MEN1: variants seen among roughly 807,000 people sequenced by gnomAD.
The protein encoded by MEN1 is menin.
A neutral mutation model predicts 58.0 loss-of-function variants in MEN1; 6 were observed. The observed-to-expected ratio is 0.10, with a 90% CI of 0.06 to 0.20. MEN1 has a LOEUF of 0.20. Ranked by LOEUF, MEN1 falls within the 10% of genes least tolerant of loss-of-function variation. The probability of loss-of-function intolerance (pLI) is 1.00; values close to 1 mark genes in which losing one functional copy is unlikely to be tolerated. For synonymous variants in MEN1, 346 were observed against 350.7 expected (o/e 0.99, Z 0.15); for missense variants, 492 against 818.5 (o/e 0.60, Z 4.87).
At position 64,804,549 on chromosome 11, in the gene MEN1, G is replaced by A. The variant is rs745404679; in HGVS notation, c.1618C>T (p.Pro540Ser). 115 of 1,613,574 alleles carry A rather than the reference G, an allele frequency of 7.1e-5. 1 individual carries two copies. The highest frequency in any genetic ancestry group is 6.8e-4 in the Admixed American group (41 of 60,028). Residue 540 changes from proline to serine, a missense_variant, in exon 10 of 10, where the codon CCC becomes TCC. Physicochemically the swap from Pro to Ser is moderately conservative, Grantham distance 74 (BLOSUM62 -1). Transcript: ENST00000450708. This position sits in a 1 kb window ranked among gnomAD's most constrained non-coding sequence, Gnocchi z 4.2. ...EGGSTAQVPAPTASPPPEGPV... is the reference protein window; with the variant it reads ...EGGSTAQVPASTASPPPEGPV... ...CCCTCCGGCGGTGGTGATGCTGTGG[G>A]TGCTGGCACCTGAGCCGTGCTGCCA...
chr11:64,805,220 G>A (rs1484723231), intron 8 of MEN1, 22 bp from the exon 9 acceptor site: 1 of 1,611,504 alleles, frequency 6.2e-7, no homozygotes, highest in South Asian at 1.1e-5. Flanking sequence ...GGAAGGGAGG[G>A]CACAGATCAG....
At chr11:64,809,564 C>A in intron 2 of MEN1, 101 bp downstream of exon 2, 2 of 1,437,268 alleles carry the variant, frequency 1.4e-6, no homozygotes, top group South Asian at 1.3e-5. Flanking sequence ...TAACACCTGC[C>A]GAACCTCACA....
chr11:64,805,939 AG>A, intron 7 of MEN1, 169 bp from the exon 8 acceptor site: 3 of 732,734 alleles, frequency 4.1e-6, no homozygotes, highest in Non-Finnish European at 4.7e-6. Context: ...AAGAATGAGG[AG>A]GGGGGCATGG....
intron 1 of MEN1, 156 bp downstream of exon 1, chr11:64,810,358 G>A: frequency 1.8e-6 from 1 of 563,514 alleles, no homozygotes; most frequent in South Asian, 2.2e-5. Context: ...GTACCCGATG[G>A]GGTGCGCCCC....
At chr11:64,809,168 G>A (rs1941944540) in intron 2 of MEN1, among the ~76,000 whole-genome samples, 1 of 148,450 alleles carries the variant, frequency 6.7e-6, no homozygotes, top group Non-Finnish European at 1.5e-5. Context: ...GGAGGCTGAG[G>A]TTGGAGGATC....
At chr11:64,810,164 G>A (rs2136198644) in intron 1 of MEN1, 32 bp from the exon 2 acceptor site, 4 of 727,296 alleles carry the variant, frequency 5.5e-6, no homozygotes, top group Non-Finnish European at 6.6e-6. Context: ...GGAGGGTCGG[G>A]CAGGTTCGGC....
Position 64,804,279 on chromosome 11 carries a change from G to A in MEN1, c.*55C>T, listed in dbSNP as rs962969824. On this transcript the variant is annotated 3_prime_UTR_variant, in exon 10 of 10. Coordinates refer to ENST00000450708, the MANE Select transcript of MEN1 (RefSeq NM_001370259.2). This position sits in a 1 kb window ranked among gnomAD's most constrained non-coding sequence, Gnocchi z 4.2. ...GGGGGCAGAACATGGGCTCAGAGTT[G>A]GGGGACTAAGGGCGGAGCCTGGGTC... 48 of 1,611,802 alleles carry A rather than the reference G, an allele frequency of 3.0e-5. No individual in the cohort carries two copies. The African/African-American group carries it at 5.1e-4, about 17-fold the overall frequency.
At position 64,807,881 on chromosome 11, in the gene MEN1, G is replaced by A. The variant is rs921850475; in HGVS notation, c.654+10C>T. On this transcript the variant is annotated intron_variant, in intron 3 of 9. Coordinates refer to ENST00000450708, the MANE Select transcript of MEN1 (RefSeq NM_001370259.2). The surrounding 1 kb of genome is among the most constrained non-coding windows in gnomAD (Gnocchi z 4.9). ...ATGAAGGGGACAAGGCTGGGGGGAG[G>A]GAACAATACCCGCTCAGCCACACCG... 3.1e-6 allele frequency: 5 copies of A among 1,613,910 alleles called. No homozygotes were observed. Among genetic ancestry groups the A allele is most frequent in the Non-Finnish European group, 4.2e-6 (5 of 1,179,934 alleles).
Position 64,804,557 on chromosome 11 carries a change from A to C in MEN1, c.1610T>G (p.Val537Gly), listed in dbSNP as rs775422717. Residue 537 changes from valine to glycine, a missense_variant, in exon 10 of 10, where the codon GTG (valine) becomes GGG (glycine). This residue lies in a region of MEN1 where 79 missense variants were observed against 82.5 expected (regional missense o/e 0.96). Transcript: ENST00000450708. This position sits in a 1 kb window ranked among gnomAD's most constrained non-coding sequence, Gnocchi z 4.2. ...RGPEGGSTAQ[V>G]PAPTASPPPE... ...CGGTGGTGATGCTGTGGGTGCTGGC[A>C]CCTGAGCCGTGCTGCCACCTTCAGG... 6 of 1,613,298 alleles carry C rather than the reference A, an allele frequency of 3.7e-6. No individual in the cohort carries two copies. In the Admixed American group the frequency reaches 5.0e-5, roughly 13 times the overall value.
intron 8 of MEN1, 21 bp downstream of exon 8, chr11:64,805,614 G>T (rs755827379): frequency 1.2e-6 from 2 of 1,612,500 alleles, no homozygotes; most frequent in East Asian, 4.5e-5. Flanking sequence ...CTGGACACAG[G>T]CTGGAGCTCC....
Position 64,804,596 on chromosome 11 carries a change from C to A in MEN1, c.1571G>T (p.Gly524Val). ...GCCACCTTCAGGGCCTCGGGCTGTG[C>A]CAGCGACAGTCCCAGGAGGCTTCCG... Reference protein sequence around the residue: ...PPRKPPGTVAGTARGPEGGST... With the variant: ...PPRKPPGTVAVTARGPEGGST... Residue 524 changes from glycine (G) to valine (V), a missense_variant, in exon 10 of 10, where the codon GGC becomes GTC. Transcript: ENST00000450708. This position sits in a 1 kb window ranked among gnomAD's most constrained non-coding sequence, Gnocchi z 4.2. 6.2e-7 allele frequency: 1 copy of A among 1,611,456 alleles called. No individual in the cohort carries two copies. The highest frequency in any genetic ancestry group is 8.5e-7 in the Non-Finnish European group (1 of 1,179,736).
chr11:64,807,489 C>G lies in MEN1; in HGVS notation c.783+63G>C. 3 of 1,581,344 alleles carry G rather than the reference C, an allele frequency of 1.9e-6. No homozygotes were observed. In the South Asian group the frequency reaches 3.3e-5, roughly 18 times the overall value. The stretch of plus-strand genomic sequence containing the variant: ...CTCAGGAAGGGAAAGTGCCCCTGCC[C>G]AGGGTCCCACAGCAAGTCAAGTCTG... On this transcript the variant is annotated intron_variant, in intron 4 of 9. Coordinates refer to ENST00000450708, the MANE Select transcript of MEN1 (RefSeq NM_001370259.2). The surrounding 1 kb of genome is among the most constrained non-coding windows in gnomAD (Gnocchi z 4.9).
rs375872988 is a variant in MEN1 at position 64,807,511 on chromosome 11, T to A, written c.783+41A>T. ...GCCCAGGGTCCCACAGCAAGTCAAG[T>A]CTGGCCTAGCCCAGTCCTGCCCCAT... On this transcript the variant is annotated intron_variant, in intron 4 of 9. Coordinates refer to ENST00000450708, the MANE Select transcript of MEN1 (RefSeq NM_001370259.2). This position sits in a 1 kb window ranked among gnomAD's most constrained non-coding sequence, Gnocchi z 4.9. The A allele has an allele frequency of 6.2e-7, 1 of 1,611,318 alleles. No individual in the cohort carries two copies. Among genetic ancestry groups the A allele is most frequent in the African/African-American group, 1.3e-5 (1 of 74,870 alleles).
rs1168981842 is a variant in MEN1 at position 64,806,989 on chromosome 11, C to T, written c.912+22G>A. 3.1e-6 allele frequency: 5 copies of T among 1,610,382 alleles called. No individual in the cohort carries two copies. The African/African-American group carries it at 5.3e-5, about 17-fold the overall frequency. On this transcript the variant is annotated intron_variant, in intron 6 of 9. Coordinates refer to ENST00000450708, the MANE Select transcript of MEN1 (RefSeq NM_001370259.2). ...AGCCACTGTTAGGGTCTCCCTTCTG[C>T]ACCCTCCTTAGATGCCCCCACCTTG...
chr11:64,807,527 C>T lies in MEN1; in HGVS notation c.783+25G>A. The T allele has an allele frequency of 6.2e-7, 1 of 1,613,780 alleles. No homozygotes were observed. The highest frequency in any genetic ancestry group is 1.7e-5 in the Admixed American group (1 of 60,014). ...CAAGTCAAGTCTGGCCTAGCCCAGT[C>T]CTGCCCCATTGGCTCAGCCCTCACC... On this transcript the variant is annotated intron_variant, in intron 4 of 9. Coordinates refer to ENST00000450708, the MANE Select transcript of MEN1 (RefSeq NM_001370259.2). The surrounding 1 kb of genome is among the most constrained non-coding windows in gnomAD (Gnocchi z 4.9).
rs2136118303 is a variant in MEN1, at chr11:64,806,254, C to T, written c.1027G>A (p.Asp343Asn). The T allele has an allele frequency of 3.1e-6, 5 of 1,614,200 alleles. No individual in the cohort carries two copies. The highest frequency in any genetic ancestry group is 4.2e-6 in the Non-Finnish European group (5 of 1,180,008). Reference protein sequence around the residue: ...NVREALQAWADTATVIQDYNY... With the variant: ...NVREALQAWANTATVIQDYNY... ...CACTCCTGGATGACAGTGGCCGTGT[C>T]CGCCCAGGCCTGCAGGGCTTCCCGC... is the stretch of plus-strand genomic sequence containing the variant. Residue 343 changes from aspartate to asparagine, a missense_variant, in exon 7 of 10, where the codon GAC becomes AAC. This residue lies in a region of MEN1 where 335 missense variants were observed against 550.3 expected (regional missense o/e 0.61). Coordinates refer to ENST00000450708, the MANE Select transcript of MEN1 (RefSeq NM_001370259.2).
intron 7 of MEN1, 95 bp downstream of exon 7, chr11:64,806,137 C>T (rs186166743): frequency 2.8e-5 from 42 of 1,526,986 alleles, no homozygotes; most frequent in South Asian, 6.8e-5. Flanking sequence ...GGGGATGGGG[C>T]GTGGGAGCCA....
rs1430618196 is a variant in MEN1 at position 64,803,541 on chromosome 11, T to G, written c.*793A>C. ...TTTTTTTTAACAAAATGTATTCATC[T>G]TTCTTGGAACTGAAAAATAAATCTA... On this transcript the variant is annotated 3_prime_UTR_variant, in exon 10 of 10. Transcript: ENST00000450708. 2 of 231,884 alleles carry G rather than the reference T, an allele frequency of 8.6e-6. No individual in the cohort carries two copies. The highest frequency in any genetic ancestry group is 1.2e-4 in the East Asian group (2 of 16,372). 14.4% of individuals were successfully genotyped at this position (231,884 alleles called of 1,614,324 possible).
intron 6 of MEN1, among the ~76,000 whole-genome samples, chr11:64,806,753 C>G (rs1173265778): frequency 6.6e-6 from 1 of 152,130 alleles, no homozygotes; most frequent in Non-Finnish European, 1.5e-5. Flanking sequence ...TGTTATACTC[C>G]AGGAAGGACA....
Sources: allele counts gnomAD v4.1 joint callset (sites outside exome capture counted in the v4.1 genomes callset), GRCh38; gene constraint gnomAD v4.1.1; regional missense constraint gnomAD v4.1.1; non-coding constraint Gnocchi (gnomAD v3.1); transcripts MANE v1.5; gene names NCBI Gene and HGNC (gene_info 2026-07-23, HGNC 2026-07-21).